The following GRM5 variants were observed in gnomAD, a reference collection of about 807,000 sequenced individuals.
The protein encoded by GRM5 is glutamate metabotropic receptor 5, also known as metabotropic glutamate receptor 5.
A neutral mutation model predicts 83.1 loss-of-function variants in GRM5; 19 were observed. The observed-to-expected ratio is 0.23, with a 90% CI of 0.16 to 0.34. The LOEUF (loss-of-function observed/expected upper bound fraction) is 0.34. GRM5 is among the 10% of genes least tolerant of loss of function. GRM5 has a pLI of 1.00. For synonymous variants in GRM5, 675 were observed against 633.6 expected (o/e 1.07, Z -0.98); for missense variants, 1,160 against 1,588.3 (o/e 0.73, Z 4.58).
At chr11:88,698,999 A>T (rs540078647) in intron 3 of GRM5, among the ~76,000 whole-genome samples, 5 of 152,292 alleles carry the variant, frequency 3.3e-5, no homozygotes, top group African/African-American at 7.2e-5. Context: ...GTTACAACCT[A>T]TGAGTAAGGA....
rs115291838 is a variant in GRM5 at position 88,862,629 on chromosome 11, G to A, written c.662-12474C>T. ...ACAAGGACTGTGTAGTATTGATATTGTATCTACAGGGAAGATTTTATTTTT... is the reference window on the plus strand; with the variant it reads ...ACAAGGACTGTGTAGTATTGATATTATATCTACAGGGAAGATTTTATTTTT... On this transcript the variant is annotated intron_variant, in intron 2 of 9. Coordinates refer to ENST00000305447, the MANE Select transcript of GRM5 (RefSeq NM_001143831.3). 3.4e-3 allele frequency among the ~76,000 whole-genome samples: 522 copies of A among 152,110 alleles called. 3 individuals are homozygous for A. The highest frequency in any genetic ancestry group is 0.012 in the African/African-American group (498 of 41,488).
chr11:88,617,009 G>A (rs1354717328), intron 4 of GRM5, among the ~76,000 whole-genome samples: 28 of 152,174 alleles, frequency 1.8e-4, no homozygotes, highest in Admixed American at 1.8e-3. Flanking sequence ...TGAGGCCAAA[G>A]GTATGACAGG....
At chr11:88,639,258 G>A (rs1424218850) in intron 4 of GRM5, among the ~76,000 whole-genome samples, 1 of 152,064 alleles carries the variant, frequency 6.6e-6, no homozygotes, top group East Asian at 1.9e-4. Flanking sequence ...TCAGGAGGGA[G>A]CCTCTACACA....
chr11:88,720,028 G>A (rs890038376), intron 3 of GRM5, among the ~76,000 whole-genome samples: 1 of 152,024 alleles, frequency 6.6e-6, no homozygotes, highest in Non-Finnish European at 1.5e-5. Flanking sequence ...TGTTTACTCT[G>A]TTAATAGTGT....
chr11:88,790,424 AT>A (rs1943151406), intron 3 of GRM5, among the ~76,000 whole-genome samples: 1 of 152,210 alleles, frequency 6.6e-6, no homozygotes, highest in African/African-American at 2.4e-5. Context: ...GCATGAATTA[AT>A]TTTAAAGATA....
intron 8 of GRM5, among the ~76,000 whole-genome samples, chr11:88,532,423 T>C (rs939956440): frequency 6.6e-6 from 1 of 152,212 alleles, no homozygotes. Flanking sequence ...TATAGTCATA[T>C]GACAAGTCAC....
chr11:88,549,637 A>G (rs1942459841), intron 8 of GRM5, among the ~76,000 whole-genome samples: 1 of 151,896 alleles, frequency 6.6e-6, no homozygotes, highest in African/African-American at 2.4e-5. Flanking sequence ...ATATGGCTAT[A>G]TAGTATGTGT....
At chr11:89,009,900 CAAAA>C (rs758398638) in intron 2 of GRM5, among the ~76,000 whole-genome samples, 3 of 21,684 alleles carry the variant, frequency 1.4e-4, no homozygotes, top group Admixed American at 8.6e-4. Flanking sequence ...GACTCCGTCT[CAAAA>C]AAAAAAAAAA....
chr11:88,916,110 G>T (rs1416056189), intron 2 of GRM5, among the ~76,000 whole-genome samples: 5 of 152,088 alleles, frequency 3.3e-5, no homozygotes, highest in Admixed American at 2.6e-4. Context: ...GAAACAAGAT[G>T]GCTGAAGAGA....
intron 3 of GRM5, among the ~76,000 whole-genome samples, chr11:88,775,779 A>G (rs144410319): frequency 8.1e-4 from 123 of 152,240 alleles, no homozygotes; most frequent in African/African-American, 2.8e-3. Flanking sequence ...CTGAGTACTA[A>G]TTTGATTGCA....
chr11:88,929,888 G>A (rs1259698998), intron 2 of GRM5, among the ~76,000 whole-genome samples: 1 of 152,110 alleles, frequency 6.6e-6, no homozygotes, highest in East Asian at 1.9e-4. Context: ...TTTTGTTTAA[G>A]CACACCAAGG....
chr11:88,558,532 G>A (rs946299579), intron 8 of GRM5, among the ~76,000 whole-genome samples: 4 of 152,068 alleles, frequency 2.6e-5, no homozygotes, highest in Middle Eastern at 3.2e-3. Context: ...TAAGGGGAGA[G>A]AGTGGGAAAG....
At chr11:88,581,267 T>C (rs1943208897) in intron 7 of GRM5, among the ~76,000 whole-genome samples, 1 of 152,246 alleles carries the variant, frequency 6.6e-6, no homozygotes, top group Non-Finnish European at 1.5e-5. Flanking sequence ...AGAGTGATAA[T>C]AGTATTCTTG....
intron 3 of GRM5, among the ~76,000 whole-genome samples, chr11:88,808,885 A>G (rs1173322419): frequency 1.3e-5 from 2 of 151,970 alleles, no homozygotes; most frequent in Non-Finnish European, 2.9e-5. Context: ...TTTATTTTTC[A>G]CATTTCACAA....
At chr11:88,670,950 A>G (rs1940177343) in intron 3 of GRM5, among the ~76,000 whole-genome samples, 1 of 152,040 alleles carries the variant, frequency 6.6e-6, no homozygotes, top group South Asian at 2.1e-4. Context: ...GGCCCTAAGT[A>G]TGTTTCTAAC....
intron 2 of GRM5, among the ~76,000 whole-genome samples, chr11:88,984,548 A>G (rs1939635068): frequency 6.6e-6 from 1 of 152,180 alleles, no homozygotes; most frequent in Admixed American, 6.5e-5. Flanking sequence ...ATATGACTAT[A>G]AATGTATATT....
chr11:89,016,213 A>G (rs1304951777), intron 2 of GRM5, among the ~76,000 whole-genome samples: 1 of 149,454 alleles, frequency 6.7e-6, no homozygotes, highest in African/African-American at 2.4e-5. Context: ...TATTATACAT[A>G]TATTTATTTA....
At chr11:88,593,608 G>A (rs1937705347) in intron 6 of GRM5, among the ~76,000 whole-genome samples, 1 of 151,164 alleles carries the variant, frequency 6.6e-6, no homozygotes, top group South Asian at 2.1e-4. Context: ...AACCCGGGAG[G>A]CGGAGGTTGC....
At chr11:88,718,355 G>T (rs1036171880) in intron 3 of GRM5, among the ~76,000 whole-genome samples, 19 of 151,838 alleles carry the variant, frequency 1.3e-4, no homozygotes, top group African/African-American at 4.3e-4. Flanking sequence ...GAGCAAATAC[G>T]TGATCTTCTT....
Sources: gnomAD v4.1 joint callset for allele counts (sites outside exome capture counted in the v4.1 genomes callset) on GRCh38, gnomAD v4.1.1 for gene constraint, MANE v1.5 for transcripts, NCBI Gene and HGNC (gene_info 2026-07-23, HGNC 2026-07-21) for gene names.